The following CRPPA variants were observed in gnomAD, a reference collection of about 807,000 sequenced individuals.
The protein encoded by CRPPA is CDP-L-ribitol pyrophosphorylase A.
Under a neutral mutation model 52.0 loss-of-function variants are expected in CRPPA, and 43 were observed. The observed-to-expected ratio is 0.83, with a 90% CI of 0.65 to 1.07. The LOEUF (loss-of-function observed/expected upper bound fraction) is 1.07, where lower values mean the gene tolerates loss of function less well. Among genes scored for constraint, CRPPA ranks in the 50% least tolerant of loss-of-function variants. CRPPA has a pLI of 0.00. For missense variants in CRPPA, 629 were observed against 551.7 expected, an observed-to-expected ratio of 1.14 and a Z score of -1.40; for synonymous variants, 250 against 203.5, an observed-to-expected ratio of 1.23 and a Z score of -1.94.
chr7:16,166,554 A>G (rs776662275), intron 9 of CRPPA, among the ~76,000 whole-genome samples: 5 of 152,244 alleles, frequency 3.3e-5, no homozygotes, highest in Non-Finnish European at 5.9e-5. Context: ...TGCTAGGATT[A>G]CAAGTATGAG....
chr7:16,125,182 C>T (rs971153522), intron 9 of CRPPA, among the ~76,000 whole-genome samples: 11 of 145,820 alleles, frequency 7.5e-5, no homozygotes, highest in African/African-American at 1.7e-4. Flanking sequence ...ATTGTTGGAA[C>T]CTGGGAGGCA....
chr7:16,088,413 T>TG lies in CRPPA; in HGVS notation c.*3281_*3282insC, dbSNP rs1491373018. The TG allele has an allele frequency of 8.6e-5, 2 of 23,194 alleles. No homozygotes were observed. Among genetic ancestry groups the TG allele is most frequent in the African/African-American group, 1.3e-4 (2 of 15,688 alleles). The allele number at this position is 23,194 out of a possible 1,614,324, so 1.4% of individuals were successfully genotyped here. On this transcript the variant is annotated 3_prime_UTR_variant, in exon 10 of 10. Transcript: ENST00000407010. ...CTGTAAAGTTACCTCTGGATCTCTC[T>TG]TTTTTTTTTTTTTTTTTTTTTTGAG...
intron 2 of CRPPA, among the ~76,000 whole-genome samples, chr7:16,403,017 A>G (rs1052128448): frequency 6.6e-6 from 1 of 152,212 alleles, no homozygotes; most frequent in Admixed American, 6.5e-5. Flanking sequence ...TAAATTATCT[A>G]AGCATTCAGA....
chr7:16,227,065 C>T (rs1219376812), intron 8 of CRPPA, among the ~76,000 whole-genome samples: 1 of 151,810 alleles, frequency 6.6e-6, no homozygotes, highest in Non-Finnish European at 1.5e-5. Flanking sequence ...GTTGCAAATG[C>T]CAGGATTTCC....
chr7:16,168,534 AACACACAC>A (rs61189058), intron 9 of CRPPA, among the ~76,000 whole-genome samples: 11,657 of 143,086 alleles, frequency 0.081, 524 homozygotes, highest in East Asian at 0.15. Flanking sequence ...AGTGAAGTAA[AACACACAC>A]ACACACACAC....
intron 8 of CRPPA, among the ~76,000 whole-genome samples, chr7:16,217,270 C>T (rs1782355796): frequency 6.7e-6 from 1 of 150,186 alleles, no homozygotes; most frequent in South Asian, 2.1e-4. Context: ...GAAAGGACAT[C>T]CACACCAAAA....
At chr7:16,100,288 C>T (rs974951415) in intron 9 of CRPPA, among the ~76,000 whole-genome samples, 1 of 152,120 alleles carries the variant, frequency 6.6e-6, no homozygotes, top group African/African-American at 2.4e-5. Flanking sequence ...TTTTTTATTG[C>T]ATATCAGTAA....
intron 1 of CRPPA, among the ~76,000 whole-genome samples, chr7:16,412,454 G>A (rs1401987762): frequency 3.3e-5 from 5 of 152,090 alleles, no homozygotes; most frequent in Non-Finnish European, 7.4e-5. Flanking sequence ...AAAAAGTTTG[G>A]AAAACACTAT....
Position 16,088,249 on chromosome 7 carries a change from C to T in CRPPA, c.*3446G>A, listed in dbSNP as rs1352268861. The T allele has an allele frequency of 6.6e-6, 1 of 152,066 alleles. No individual in the cohort carries two copies. The highest frequency in any genetic ancestry group is 1.5e-5 in the Non-Finnish European group (1 of 68,022). 9.4% of individuals were successfully genotyped at this position (152,066 alleles called of 1,614,324 possible). A position where few individuals can be genotyped will look rare whatever the true frequency, so the allele number is the denominator to read the frequency against. On this transcript the variant is annotated 3_prime_UTR_variant, in exon 10 of 10. Coordinates refer to ENST00000407010, the MANE Select transcript of CRPPA (RefSeq NM_001101426.4). ...GTTTAGAAAGAAAACCATTTTGCAACAAAATTTCCCACAAGTGGAAGCATT... is the reference window on the plus strand; with the variant it reads ...GTTTAGAAAGAAAACCATTTTGCAATAAAATTTCCCACAAGTGGAAGCATT...
chr7:16,146,797 A>G (rs1782983031), intron 9 of CRPPA, among the ~76,000 whole-genome samples: 1 of 152,310 alleles, frequency 6.6e-6, no homozygotes, highest in South Asian at 2.1e-4. Flanking sequence ...AGGCAAGCAT[A>G]CCACTATAAA....
intron 3 of CRPPA, among the ~76,000 whole-genome samples, chr7:16,330,365 G>A (rs6461238): frequency 0.45 from 68,453 of 151,970 alleles, 15,685 homozygotes; most frequent in South Asian, 0.6. Flanking sequence ...AAGTCTCGCA[G>A]CTTCGTCCTA....
chr7:16,260,007 T>A lies in CRPPA; in HGVS notation c.934-995A>T, dbSNP rs1263515416. ...TTCAGTTTAAAATTCATATTGAGCA[T>A]AAAGCTCAAAGATTTTTAAGAAAAA... On this transcript the variant is annotated intron_variant, in intron 6 of 9. Coordinates refer to ENST00000407010, the MANE Select transcript of CRPPA (RefSeq NM_001101426.4). Among the ~76,000 whole-genome samples the A allele has an allele frequency of 2.0e-5, 3 of 151,948 alleles. No individual in the cohort carries two copies. In the East Asian group the frequency reaches 5.8e-4, roughly 29 times the overall value.
At chr7:16,140,707 C>A (rs1782853308) in intron 9 of CRPPA, among the ~76,000 whole-genome samples, 1 of 152,272 alleles carries the variant, frequency 6.6e-6, no homozygotes, top group African/African-American at 2.4e-5. Flanking sequence ...TTTTTGCAGA[C>A]AGCAGTTTCA....
At chr7:16,202,660 C>T (rs1781885970) in intron 9 of CRPPA, among the ~76,000 whole-genome samples, 1 of 152,186 alleles carries the variant, frequency 6.6e-6, no homozygotes, top group African/African-American at 2.4e-5. Context: ...ACAGGGAATA[C>T]TTGAGTGAAA....
chr7:16,170,917 C>T (rs929623300), intron 9 of CRPPA, among the ~76,000 whole-genome samples: 21 of 152,212 alleles, frequency 1.4e-4, no homozygotes, highest in African/African-American at 1.9e-4. Flanking sequence ...GGCCTGCGAG[C>T]GCCCCGCTTA....
intron 5 of CRPPA, among the ~76,000 whole-genome samples, chr7:16,281,023 G>A (rs183333882): frequency 1.6e-4 from 24 of 151,672 alleles, no homozygotes; most frequent in Admixed American, 9.8e-4. Flanking sequence ...CTGTTTCAAG[G>A]GAAAAAAAAA....
chr7:16,351,846 A>T (rs1404770883), intron 3 of CRPPA, among the ~76,000 whole-genome samples: 2 of 152,166 alleles, frequency 1.3e-5, no homozygotes, highest in Non-Finnish European at 2.9e-5. Flanking sequence ...ATTGTGGAAG[A>T]CAGTGTGGCA....
At chr7:16,383,260 T>C (rs10215097) in intron 2 of CRPPA, among the ~76,000 whole-genome samples, 81,891 of 152,048 alleles carry the variant, frequency 0.54, 24,613 homozygotes, top group African/African-American at 0.82. Flanking sequence ...AGGTCCACTC[T>C]AGACCCTGTT....
chr7:16,401,074 C>T (rs1395970440), intron 2 of CRPPA, among the ~76,000 whole-genome samples: 3 of 152,162 alleles, frequency 2.0e-5, no homozygotes, highest in Non-Finnish European at 4.4e-5. Flanking sequence ...CCTGCTTGAA[C>T]TCAATCTTCA....
Sources: allele counts gnomAD v4.1 joint callset (sites outside exome capture counted in the v4.1 genomes callset), GRCh38; gene constraint gnomAD v4.1.1; transcripts MANE v1.5; gene names NCBI Gene and HGNC (gene_info 2026-07-23, HGNC 2026-07-21).